The following ACVR1 variants were observed in gnomAD, a reference collection of about 807,000 sequenced individuals.
The protein encoded by ACVR1 is activin A receptor type 1.
ACVR1 carries 38 observed loss-of-function variants against 57.1 expected under a neutral mutation model. That is an observed-to-expected ratio of 0.67 (90% CI 0.51 to 0.87). The LOEUF is 0.87. Ranked by LOEUF, ACVR1 falls within the 40% of genes least tolerant of loss-of-function variation. The pLI, the probability that ACVR1 is intolerant of heterozygous loss-of-function variation, is 0.00. For synonymous variants in ACVR1, 212 were observed against 228.1 expected (o/e 0.93, Z 0.63); for missense variants, 463 against 638.2 (o/e 0.73, Z 2.96).
chr2:157,856,681 G>A (rs1348671446), intron 1 of ACVR1, among the ~76,000 whole-genome samples: 2 of 152,152 alleles, frequency 1.3e-5, no homozygotes, highest in African/African-American at 4.8e-5. Context: ...TCCCTTTGAA[G>A]TCCAGAGAGG....
intron 1 of ACVR1, among the ~76,000 whole-genome samples, chr2:157,851,821 C>A (rs1689312559): frequency 1.3e-5 from 2 of 150,904 alleles, no homozygotes; most frequent in Admixed American, 6.6e-5. Flanking sequence ...GTGACCCTAC[C>A]ACTAAAAAGA....
intron 1 of ACVR1, among the ~76,000 whole-genome samples, chr2:157,856,144 A>C (rs1689526561): frequency 6.6e-6 from 1 of 152,142 alleles, no homozygotes; most frequent in African/African-American, 2.4e-5. Flanking sequence ...GGTAGAAAAA[A>C]AGTGCTATAA....
intron 2 of ACVR1, among the ~76,000 whole-genome samples, chr2:157,809,029 T>G (rs1018360995): frequency 1.3e-5 from 2 of 152,208 alleles, no homozygotes; most frequent in African/African-American, 4.8e-5. Flanking sequence ...GAAAGACCCC[T>G]TATCTATTTA....
chr2:157,868,180 T>A (rs895125607), intron 1 of ACVR1, among the ~76,000 whole-genome samples: 1 of 152,070 alleles, frequency 6.6e-6, no homozygotes, highest in Non-Finnish European at 1.5e-5. Flanking sequence ...AGTCTGAGAC[T>A]AGTGATTAAA....
In ACVR1 at chr2:157,859,436, T is replaced by C. The variant is rs1481475971; in HGVS notation, c.-183+16360A>G. Among the ~76,000 whole-genome samples, 5 of 152,222 alleles carry C rather than the reference T, an allele frequency of 3.3e-5. No individual in the cohort carries two copies. The South Asian group carries it at 1.0e-3, about 31-fold the overall frequency. ...GCAACCAGCAGCCCTTGGGGGGCTATGCCTATGGAGGAGCCATTCTTCCTT... is the reference window on the plus strand; with the variant it reads ...GCAACCAGCAGCCCTTGGGGGGCTACGCCTATGGAGGAGCCATTCTTCCTT... On this transcript the variant is annotated intron_variant, in intron 1 of 10. Transcript: ENST00000434821.
intron 3 of ACVR1, among the ~76,000 whole-genome samples, chr2:157,794,895 A>G (rs1370253409): frequency 6.6e-6 from 1 of 152,196 alleles, no homozygotes; most frequent in Non-Finnish European, 1.5e-5. Flanking sequence ...CAAAAAAAAA[A>G]AAATCACTGT....
intron 3 of ACVR1, among the ~76,000 whole-genome samples, chr2:157,798,934 T>C (rs140937997): frequency 6.6e-6 from 1 of 152,022 alleles, no homozygotes. Flanking sequence ...TCTCGCTCTG[T>C]TGCCCGGGCT....
At chr2:157,867,552 C>A (rs1689980886) in intron 1 of ACVR1, among the ~76,000 whole-genome samples, 1 of 152,206 alleles carries the variant, frequency 6.6e-6, no homozygotes, top group East Asian at 1.9e-4. Context: ...GTCAAAAGAT[C>A]TGGCAGTTTC....
chr2:157,740,493 T>C (rs1334791234), intron 9 of ACVR1, among the ~76,000 whole-genome samples: 1 of 152,214 alleles, frequency 6.6e-6, no homozygotes, highest in Non-Finnish European at 1.5e-5. Context: ...CACAAGAATT[T>C]ACAGAAAACA....
intron 1 of ACVR1, among the ~76,000 whole-genome samples, chr2:157,858,192 G>C (rs1380950560): frequency 6.6e-6 from 1 of 152,112 alleles, no homozygotes; most frequent in Non-Finnish European, 1.5e-5. Flanking sequence ...TGGGTTCTCA[G>C]GGCTACCTGG....
chr2:157,738,874 C>T (rs867074164), intron 9 of ACVR1, among the ~76,000 whole-genome samples: 21 of 152,214 alleles, frequency 1.4e-4, no homozygotes, highest in South Asian at 4.1e-4. Flanking sequence ...AGCTCTGTAA[C>T]GCCCAACAGG....
At chr2:157,828,498 G>A (rs1422453302) in intron 1 of ACVR1, among the ~76,000 whole-genome samples, 1 of 148,016 alleles carries the variant, frequency 6.8e-6, no homozygotes, top group Non-Finnish European at 1.5e-5. Context: ...GTGGGTCCCT[G>A]TAGTCCCAGC....
chr2:157,787,456 C>T (rs548709182), intron 3 of ACVR1, among the ~76,000 whole-genome samples: 2 of 152,150 alleles, frequency 1.3e-5, no homozygotes, highest in East Asian at 1.9e-4. Flanking sequence ...GTCTCCTCAG[C>T]GTATGTGCCA....
At chr2:157,758,364 C>A (rs74868713) in intron 9 of ACVR1, among the ~76,000 whole-genome samples, 4,213 of 151,930 alleles carry the variant, frequency 0.028, 212 homozygotes, top group African/African-American at 0.096. Flanking sequence ...AAAAAGTAGG[C>A]CCTCTATATA....
chr2:157,873,484 T>A (rs974680980), intron 1 of ACVR1, among the ~76,000 whole-genome samples: 1 of 152,198 alleles, frequency 6.6e-6, no homozygotes, highest in African/African-American at 2.4e-5. Flanking sequence ...TCCTACTGAG[T>A]TGGGCATGAG....
chr2:157,850,417 A>T (rs1171571117), intron 1 of ACVR1, among the ~76,000 whole-genome samples: 2 of 152,034 alleles, frequency 1.3e-5, no homozygotes, highest in Non-Finnish European at 2.9e-5. Flanking sequence ...AAAAATGCCA[A>T]CAGACTACAT....
rs1400278258 is a variant in ACVR1 at position 157,797,140 on chromosome 2, G to A, written c.67+2287C>T. On this transcript the variant is annotated intron_variant, in intron 3 of 10. Transcript: ENST00000434821. ...TTACAGCATATTTCCACTCATATTA[G>A]CCACATTTCAAATGCTATATGTGAC... Among the ~76,000 whole-genome samples, 3 of 152,194 alleles carry A rather than the reference G, an allele frequency of 2.0e-5. 1 individual carries two copies. In the South Asian group the frequency reaches 6.2e-4, roughly 32 times the overall value.
intron 3 of ACVR1, among the ~76,000 whole-genome samples, chr2:157,797,579 G>A (rs1255283217): frequency 6.6e-6 from 1 of 152,206 alleles, no homozygotes; most frequent in Non-Finnish European, 1.5e-5. Flanking sequence ...TTACATGTAA[G>A]TGAAGGGAAT....
At chr2:157,775,585 A>G (rs1039157108) in intron 5 of ACVR1, among the ~76,000 whole-genome samples, 1 of 152,172 alleles carries the variant, frequency 6.6e-6, no homozygotes, top group Non-Finnish European at 1.5e-5. Flanking sequence ...TGAGCATCCA[A>G]CGGAAGAAAT....
Sources: gnomAD v4.1 joint callset for allele counts (sites outside exome capture counted in the v4.1 genomes callset) on GRCh38, gnomAD v4.1.1 for gene constraint, MANE v1.5 for transcripts, NCBI Gene and HGNC (gene_info 2026-07-23, HGNC 2026-07-21) for gene names.